MTERF4: variants seen among roughly 807,000 people sequenced by gnomAD.
The protein encoded by MTERF4 is transcription termination factor 4, mitochondrial.
In MTERF4, 17 loss-of-function variants were observed where a neutral mutation model predicts 22.5. The observed-to-expected ratio is 0.75, with a 90% CI of 0.52 to 1.13. The LOEUF is 1.13. MTERF4 is among the 50% of genes most tolerant of loss of function. MTERF4 has a pLI of 0.00. For synonymous variants in MTERF4, 165 were observed against 175.3 expected (o/e 0.94, Z 0.47); for missense variants, 420 against 466.8 (o/e 0.90, Z 0.92).
At chr2:241,076,556 T>C (rs2063028691) in intron 4 of MTERF4, among the ~76,000 whole-genome samples, 1 of 152,204 alleles carries the variant, frequency 6.6e-6, no homozygotes, top group Non-Finnish European at 1.5e-5. Context: ...ATCATATCCT[T>C]TTAAAGATTA....
the MTERF4 span, among the ~76,000 whole-genome samples, chr2:241,050,278 A>G: frequency 6.6e-6 from 1 of 152,222 alleles, no homozygotes; most frequent in African/African-American, 2.4e-5. Flanking sequence ...CAGCATGGAA[A>G]ATGTCGAATT....
the MTERF4 span, among the ~76,000 whole-genome samples, chr2:241,047,000 G>A: frequency 6.6e-6 from 1 of 151,930 alleles, no homozygotes; most frequent in Non-Finnish European, 1.5e-5. Flanking sequence ...AAAATTAGCT[G>A]GGTGTGGTAG....
In MTERF4 at chr2:241,099,436, C is replaced by T. The variant is rs552512672; in HGVS notation, c.480G>A (p.Arg160=). The change falls in exon 2 of 4, where the codon AGG becomes AGA. Residue 160 remains arginine, a synonymous_variant. Transcript: ENST00000391980. ...QLLKLPIMQM[R]KRSSYLQKLG... ...GCTTTTGCAGGTAACTGGAGCGCTT[C>T]CTCATTTGCATAATAGGCAGTTTCA... 6.2e-7 allele frequency: 1 copy of T among 1,614,108 alleles called. No homozygotes were observed. Among genetic ancestry groups the T allele is most frequent in the South Asian group, 1.1e-5 (1 of 91,086 alleles).
At chr2:241,071,258 G>A (rs985420924), downstream of MTERF4, 11 of 426,770 alleles carry the variant, frequency 2.6e-5, no homozygotes, top group South Asian at 7.0e-5. Context: ...GTCCGAGCCC[G>A]AGTGCCCAGC....
At chr2:241,098,329 T>A (rs902637006) in intron 2 of MTERF4, among the ~76,000 whole-genome samples, 7 of 152,266 alleles carry the variant, frequency 4.6e-5, no homozygotes, top group African/African-American at 1.7e-4. Context: ...TTTCTTATCT[T>A]CTAGAGAAGG....
intron 4 of MTERF4, among the ~76,000 whole-genome samples, chr2:241,078,490 A>G (rs2125285664): frequency 6.6e-6 from 1 of 152,020 alleles, no homozygotes; most frequent in Admixed American, 6.5e-5. Context: ...GCTGCATGCT[A>G]CAACATGGAT....
the MTERF4 span, among the ~76,000 whole-genome samples, chr2:241,047,897 T>C: frequency 6.6e-6 from 1 of 151,480 alleles, no homozygotes; most frequent in African/African-American, 2.4e-5. Flanking sequence ...CAATCCTGGG[T>C]GGTCTCTCCG....
the MTERF4 span, among the ~76,000 whole-genome samples, chr2:241,065,955 G>T: frequency 1.3e-5 from 2 of 151,104 alleles, no homozygotes; most frequent in African/African-American, 2.5e-5. Flanking sequence ...GGGTGGGCTT[G>T]GGGGGGCTGG....
intron 4 of MTERF4, chr2:241,081,646 G>A (rs1208437840): frequency 6.6e-7 from 1 of 1,515,992 alleles, no homozygotes; most frequent in Admixed American, 1.9e-5. Context: ...TGGGGTTCCA[G>A]TGACTAACCT....
At chr2:241,069,673 TG>T (rs1487517263), downstream of MTERF4, among the ~76,000 whole-genome samples, 3 of 151,508 alleles carry the variant, frequency 2.0e-5, no homozygotes, top group African/African-American at 7.3e-5. The surrounding 1 kb of genome is among the most constrained non-coding windows in gnomAD (Gnocchi z 4.9). Context: ...GGCCAGGGCC[TG>T]GGGGCTTCAC....
At chr2:241,051,776 C>T in the MTERF4 span, 5 of 1,547,866 alleles carry the variant, frequency 3.2e-6, no homozygotes, top group East Asian at 4.8e-5. This position sits in a 1 kb window ranked among gnomAD's most constrained non-coding sequence, Gnocchi z 4.7. Context: ...AGGGCCCTGC[C>T]GGAACGGGGG....
the MTERF4 span, among the ~76,000 whole-genome samples, chr2:241,066,069 A>G: frequency 6.6e-6 from 1 of 152,150 alleles, no homozygotes; most frequent in East Asian, 1.9e-4. Context: ...CGGTGGCTCA[A>G]TCGGGAAGAG....
the MTERF4 span, chr2:241,049,749 G>T: frequency 2.4e-6 from 3 of 1,263,614 alleles, no homozygotes; most frequent in Non-Finnish European, 2.3e-6. Context: ...CAAGGTGCCC[G>T]CCAGCCTCTT....
At chr2:241,071,711 A>AC, downstream of MTERF4, 3 of 793,364 alleles carry the variant, frequency 3.8e-6, no homozygotes, top group Non-Finnish European at 5.3e-6. Context: ...ACCCCCACCC[A>AC]GCCCCCCAGG....
chr2:241,082,457 G>C (rs2063375438), downstream of MTERF4: 2 of 884,176 alleles, frequency 2.3e-6, no homozygotes, highest in African/African-American at 3.3e-5. Context: ...TAACCCTGAG[G>C]AGGGACGATG....
chr2:241,059,685 A>G, the MTERF4 span, among the ~76,000 whole-genome samples: 9 of 152,270 alleles, frequency 5.9e-5, no homozygotes, highest in African/African-American at 1.4e-4. Flanking sequence ...AAAACTATAT[A>G]TCTCAATAGA....
chr2:241,076,658 G>T (rs1017218365), intron 4 of MTERF4, among the ~76,000 whole-genome samples: 1 of 152,150 alleles, frequency 6.6e-6, no homozygotes, highest in Admixed American at 6.5e-5. Context: ...GGCCAGGAAG[G>T]AGTTCAAGAC....
downstream of MTERF4, chr2:241,071,669 T>A: frequency 1.3e-6 from 2 of 1,557,948 alleles, no homozygotes. Flanking sequence ...CTGCCGGAGC[T>A]GCGCCTGCTC....
chr2:241,085,860 CTTT>C (rs772995766), downstream of MTERF4, among the ~76,000 whole-genome samples: 21 of 79,160 alleles, frequency 2.7e-4, no homozygotes, highest in African/African-American at 9.2e-4. Flanking sequence ...TCTGCGGTTT[CTTT>C]TTTTTTTTTT....
Sources: allele counts gnomAD v4.1 joint callset (sites outside exome capture counted in the v4.1 genomes callset), GRCh38; gene constraint gnomAD v4.1.1; non-coding constraint Gnocchi (gnomAD v3.1); transcripts MANE v1.5; gene names NCBI Gene and HGNC (gene_info 2026-07-23, HGNC 2026-07-21).